The following GRM5 variants were observed in gnomAD, a reference collection of about 807,000 sequenced individuals.
GRM5 encodes the protein metabotropic glutamate receptor 5.
GRM5 carries 19 observed loss-of-function variants against 83.1 expected under a neutral mutation model. That is an observed-to-expected ratio of 0.23 (90% CI 0.16 to 0.34). The LOEUF (loss-of-function observed/expected upper bound fraction) is 0.34, where lower values mean the gene tolerates loss of function less well. Among genes scored for constraint, GRM5 ranks in the 10% least tolerant of loss-of-function variants. The pLI is 1.00. For synonymous variants in GRM5, 675 were observed against 633.6 expected, an observed-to-expected ratio of 1.07 and a Z score of -0.98; for missense variants, 1,160 against 1,588.3, an observed-to-expected ratio of 0.73 and a Z score of 4.58.
At chr11:88,886,884 G>C (rs1266963904) in intron 2 of GRM5, among the ~76,000 whole-genome samples, 1 of 152,088 alleles carries the variant, frequency 6.6e-6, no homozygotes, top group Non-Finnish European at 1.5e-5. Flanking sequence ...ATAGCTCAAG[G>C]GAAGGCATCT....
intron 3 of GRM5, among the ~76,000 whole-genome samples, chr11:88,667,854 C>T (rs764368591): frequency 3.3e-5 from 5 of 151,462 alleles, no homozygotes; most frequent in African/African-American, 4.9e-5. Context: ...GATTGAGCTA[C>T]TGCACTCCAG....
intron 4 of GRM5, among the ~76,000 whole-genome samples, chr11:88,630,694 T>G (rs1938943761): frequency 6.6e-6 from 1 of 152,054 alleles, no homozygotes; most frequent in Admixed American, 6.6e-5. Context: ...TTCTCCTGCC[T>G]CAGCCTCCCA....
intron 4 of GRM5, among the ~76,000 whole-genome samples, chr11:88,640,333 G>A (rs1246237851): frequency 6.6e-6 from 1 of 152,138 alleles, no homozygotes; most frequent in African/African-American, 2.4e-5. Context: ...GTGCTAATCA[G>A]TGTTAAATAA....
intron 2 of GRM5, among the ~76,000 whole-genome samples, chr11:88,867,431 T>C (rs1039710023): frequency 2.6e-5 from 4 of 151,790 alleles, no homozygotes; most frequent in Non-Finnish European, 5.9e-5. Flanking sequence ...ATACCATACA[T>C]AGGCTGTTCA....
At chr11:88,795,405 T>A (rs1433891150) in intron 3 of GRM5, among the ~76,000 whole-genome samples, 4 of 152,142 alleles carry the variant, frequency 2.6e-5, no homozygotes, top group African/African-American at 9.7e-5. Context: ...AAGTGGACTA[T>A]GCAGTTGGAA....
intron 6 of GRM5, 148 bp from the exon 7 acceptor site, chr11:88,590,875 T>A: frequency 4.0e-6 from 2 of 501,608 alleles, no homozygotes; most frequent in Non-Finnish European, 7.0e-6. Context: ...ATTTTTAATA[T>A]TAATTTATAA....
chr11:88,672,250 A>C (rs1280864136), intron 3 of GRM5, among the ~76,000 whole-genome samples: 2 of 152,136 alleles, frequency 1.3e-5, no homozygotes, highest in Non-Finnish European at 2.9e-5. Flanking sequence ...TTGGAATCTG[A>C]AAATAGTGGA....
chr11:88,866,854 C>A (rs1944675938), intron 2 of GRM5, among the ~76,000 whole-genome samples: 2 of 152,084 alleles, frequency 1.3e-5, no homozygotes, highest in Admixed American at 1.3e-4. Flanking sequence ...TAGTTTAAGT[C>A]TTTAATCCAT....
intron 3 of GRM5, among the ~76,000 whole-genome samples, chr11:88,795,274 C>T (rs1255943405): frequency 6.6e-6 from 1 of 152,166 alleles, no homozygotes; most frequent in Non-Finnish European, 1.5e-5. Flanking sequence ...CAGCTGGTTA[C>T]AGATTCTGAT....
At chr11:88,882,173 G>A (rs867326507) in intron 2 of GRM5, among the ~76,000 whole-genome samples, 2 of 150,644 alleles carry the variant, frequency 1.3e-5, no homozygotes, top group African/African-American at 2.4e-5. Flanking sequence ...GGAGGTGGAG[G>A]TTGCCATGAG....
intron 3 of GRM5, among the ~76,000 whole-genome samples, chr11:88,710,065 G>A (rs116675341): frequency 2.6e-5 from 4 of 152,034 alleles, no homozygotes; most frequent in Non-Finnish European, 4.4e-5. Flanking sequence ...CCCAGGAGCC[G>A]AATTACCTGA....
intron 3 of GRM5, among the ~76,000 whole-genome samples, chr11:88,839,000 C>T (rs1287928496): frequency 6.6e-6 from 1 of 152,044 alleles, no homozygotes; most frequent in Non-Finnish European, 1.5e-5. Flanking sequence ...GCTATATCTG[C>T]CCCAACACAT....
chr11:89,016,893 G>C lies in GRM5; in HGVS notation c.661+30319C>G, dbSNP rs527809711. ...GCAAACTGGATAATAGCCATCTGCA[G>C]ACAAAATTTTTGATGGGAGTACATG... is the stretch of plus-strand genomic sequence containing the variant. On this transcript the variant is annotated intron_variant, in intron 2 of 9. Transcript: ENST00000305447. Among the ~76,000 whole-genome samples, 8 of 152,210 alleles carry C rather than the reference G, an allele frequency of 5.3e-5. No homozygotes were observed. In the East Asian group the frequency reaches 1.4e-3, roughly 26 times the overall value.
intron 1 of GRM5, among the ~76,000 whole-genome samples, chr11:89,061,161 C>T (rs1378581842): frequency 6.6e-6 from 1 of 151,926 alleles, no homozygotes; most frequent in African/African-American, 2.4e-5. Context: ...CTATCTATAT[C>T]GAGATACACA....
intron 1 of GRM5, among the ~76,000 whole-genome samples, chr11:89,062,224 G>A (rs1942010729): frequency 6.6e-6 from 1 of 152,178 alleles, no homozygotes; most frequent in African/African-American, 2.4e-5. Context: ...GAAATTAAAG[G>A]AGGAAACTCC....
At chr11:88,531,317 T>C (rs1942002605) in intron 8 of GRM5, among the ~76,000 whole-genome samples, 2 of 152,004 alleles carry the variant, frequency 1.3e-5, no homozygotes, top group African/African-American at 4.8e-5. Flanking sequence ...AGTGAAGCGG[T>C]TGAATAAGAA....
At chr11:89,035,231 T>C (rs1330686452) in intron 2 of GRM5, among the ~76,000 whole-genome samples, 1 of 151,818 alleles carries the variant, frequency 6.6e-6, no homozygotes, top group African/African-American at 2.4e-5. Context: ...GCTTTTATTA[T>C]ACTTTAAGTT....
chr11:89,007,474 C>T (rs1278495099), intron 2 of GRM5, among the ~76,000 whole-genome samples: 1 of 152,170 alleles, frequency 6.6e-6, no homozygotes, highest in Non-Finnish European at 1.5e-5. Context: ...ATTTTCATTA[C>T]TGCCATTATC....
Position 88,907,346 on chromosome 11 carries a change from C to T in GRM5, c.662-57191G>A, listed in dbSNP as rs567893298. 2.6e-5 allele frequency among the ~76,000 whole-genome samples: 4 copies of T among 152,252 alleles called. No individual in the cohort carries two copies. The South Asian group carries it at 8.3e-4, about 32-fold the overall frequency. The stretch of plus-strand genomic sequence containing the variant: ...AGAGGGACCACAGGAGTCTCCTCCT[C>T]TTGCCTTCCATGCCCCCACTCTGTC... On this transcript the variant is annotated intron_variant, in intron 2 of 9. Coordinates refer to ENST00000305447, the MANE Select transcript of GRM5 (RefSeq NM_001143831.3).
Sources: allele counts gnomAD v4.1 joint callset (sites outside exome capture counted in the v4.1 genomes callset), GRCh38; gene constraint gnomAD v4.1.1; transcripts MANE v1.5; gene names NCBI Gene and HGNC (gene_info 2026-07-23, HGNC 2026-07-21).